The following EFCAB6 variants were observed in gnomAD, a reference collection of about 807,000 sequenced individuals.
EFCAB6 encodes EF-hand calcium-binding domain-containing protein 6.
Under a neutral mutation model 169.8 loss-of-function variants are expected in EFCAB6, and 156 were observed. That is an observed-to-expected ratio of 0.92 (90% CI 0.81 to 1.05). The LOEUF (loss-of-function observed/expected upper bound fraction) is 1.05. EFCAB6 is among the 50% of genes least tolerant of loss of function. EFCAB6 has a pLI of 0.00. For missense variants in EFCAB6, 1,800 were observed against 1,829.1 expected (o/e 0.98, Z 0.29); for synonymous variants, 698 against 676.4 (o/e 1.03, Z -0.50).
chr22:43,543,442 G>A (rs1414490777), intron 27 of EFCAB6, among the ~76,000 whole-genome samples: 2 of 152,146 alleles, frequency 1.3e-5, no homozygotes, highest in African/African-American at 2.4e-5. Flanking sequence ...CAGACCCCCC[G>A]ATAGGATGCA....
rs889361121 is a variant in EFCAB6, at chr22:43,718,876, G to A, written c.758-1904C>T. 3.9e-5 allele frequency among the ~76,000 whole-genome samples: 6 copies of A among 152,190 alleles called. No individual in the cohort carries two copies. In the South Asian group the frequency reaches 1.2e-3, roughly 31 times the overall value. On this transcript the variant is annotated intron_variant, in intron 8 of 31. Coordinates refer to ENST00000262726, the MANE Select transcript of EFCAB6 (RefSeq NM_022785.4). ...TGAGCATTTGAAACCTGGTGTCTCA[G>A]GACATTTGAGCTGCAAGGGCCCTCG...
chr22:43,573,732 C>CAAAAAAAA (rs748024357), intron 26 of EFCAB6, among the ~76,000 whole-genome samples: 1 of 85,338 alleles, frequency 1.2e-5, no homozygotes. Context: ...TCTGTCTCAA[C>CAAAAAAAA]AAAAAAAAAA....
rs543930828 is a variant in EFCAB6 at position 43,612,655 on chromosome 22, G to T, written c.2562+3171C>A. Among the ~76,000 whole-genome samples, 7 of 152,252 alleles carry T rather than the reference G, an allele frequency of 4.6e-5. No homozygotes were observed. In the South Asian group the frequency reaches 1.2e-3, roughly 27 times the overall value. On this transcript the variant is annotated intron_variant, in intron 21 of 31. Transcript: ENST00000262726. ...ACCTGTAATTCCAGCACTTTGGGAGGCCAAGGCGGGTGGATCCCCTGAGGT... is the reference window on the plus strand; with the variant it reads ...ACCTGTAATTCCAGCACTTTGGGAGTCCAAGGCGGGTGGATCCCCTGAGGT...
chr22:43,726,276 C>CAAAAAAAAAAAAAAAAAAAAAA (rs3994547), intron 8 of EFCAB6, among the ~76,000 whole-genome samples: 1 of 59,356 alleles, frequency 1.7e-5, no homozygotes, highest in Non-Finnish European at 3.0e-5. Context: ...AAAAATTCAC[C>CAAAAAAAAAAAAAAAAAAAAAA]AAAAAAAAAA....
chr22:43,722,717 T>C (rs376700329), intron 8 of EFCAB6, among the ~76,000 whole-genome samples: 1 of 152,092 alleles, frequency 6.6e-6, no homozygotes, highest in East Asian at 1.9e-4. Context: ...ATATATCTAG[T>C]GGAAAATAGA....
intron 26 of EFCAB6, among the ~76,000 whole-genome samples, chr22:43,562,021 G>C (rs1473639167): frequency 6.6e-6 from 1 of 152,146 alleles, no homozygotes; most frequent in Admixed American, 6.5e-5. Flanking sequence ...ATCTGGCAAA[G>C]ATAAGCTCCT....
chr22:43,546,538 C>T (rs1299735480), intron 27 of EFCAB6, among the ~76,000 whole-genome samples: 1 of 152,180 alleles, frequency 6.6e-6, no homozygotes, highest in African/African-American at 2.4e-5. Flanking sequence ...TTAAAATTCT[C>T]TACCCAGAAA....
chr22:43,562,956 G>C (rs1408145253), intron 26 of EFCAB6, among the ~76,000 whole-genome samples: 1 of 152,134 alleles, frequency 6.6e-6, no homozygotes, highest in African/African-American at 2.4e-5. Context: ...GTCTCTCCGG[G>C]TAGGCACAGC....
chr22:43,671,373 T>C (rs2057486324), intron 15 of EFCAB6, among the ~76,000 whole-genome samples: 1 of 152,144 alleles, frequency 6.6e-6, no homozygotes, highest in Admixed American at 6.5e-5. Context: ...GGCTTAATTT[T>C]GTATTTTTAG....
intron 8 of EFCAB6, among the ~76,000 whole-genome samples, chr22:43,727,809 A>G (rs2059792861): frequency 6.6e-6 from 1 of 152,178 alleles, no homozygotes; most frequent in Non-Finnish European, 1.5e-5. Flanking sequence ...AAAGAGGCTC[A>G]TTTGGCTTAT....
At chr22:43,636,996 G>A (rs768914172) in intron 17 of EFCAB6, among the ~76,000 whole-genome samples, 5 of 152,180 alleles carry the variant, frequency 3.3e-5, no homozygotes, top group Non-Finnish European at 7.3e-5. Flanking sequence ...AGATGAAAAT[G>A]GACAGGAAAT....
At chr22:43,598,795 A>T (rs1223496100) in intron 23 of EFCAB6, among the ~76,000 whole-genome samples, 5 of 152,140 alleles carry the variant, frequency 3.3e-5, no homozygotes, top group Non-Finnish European at 5.9e-5. Flanking sequence ...CACATTTTTT[A>T]AAAAATATAG....
intron 17 of EFCAB6, among the ~76,000 whole-genome samples, chr22:43,666,515 G>C (rs531972443): frequency 6.6e-6 from 1 of 152,270 alleles, no homozygotes; most frequent in South Asian, 2.1e-4. Flanking sequence ...CTTAAAAATA[G>C]CTGAGGATGA....
At chr22:43,780,957 T>C (rs1441507855) in intron 3 of EFCAB6, among the ~76,000 whole-genome samples, 1 of 152,222 alleles carries the variant, frequency 6.6e-6, no homozygotes, top group Non-Finnish European at 1.5e-5. Context: ...TGCAGTGCTT[T>C]GTAAGTGCGT....
chr22:43,731,385 C>T (rs957539805), intron 8 of EFCAB6, among the ~76,000 whole-genome samples: 2 of 152,164 alleles, frequency 1.3e-5, no homozygotes, highest in Non-Finnish European at 2.9e-5. Context: ...CACTTAAGGA[C>T]AACCTGAGTA....
chr22:43,582,078 T>TGG (rs2050762329), intron 24 of EFCAB6, among the ~76,000 whole-genome samples: 1 of 152,196 alleles, frequency 6.6e-6, no homozygotes, highest in Admixed American at 6.5e-5. Context: ...ATAAAAAAGT[T>TGG]GATCACCCGC....
intron 2 of EFCAB6, among the ~76,000 whole-genome samples, chr22:43,806,201 G>C (rs1446090607): frequency 6.6e-6 from 1 of 150,460 alleles, no homozygotes; most frequent in African/African-American, 2.5e-5. Context: ...GGGGAGGGGA[G>C]GGGAGGGGAA....
At chr22:43,672,821 C>T (rs972820951) in intron 13 of EFCAB6, among the ~76,000 whole-genome samples, 1 of 152,016 alleles carries the variant, frequency 6.6e-6, no homozygotes, top group Non-Finnish European at 1.5e-5. Context: ...AATAAACCCC[C>T]ATGACACAAG....
chr22:43,686,106 C>G (rs891348302), intron 11 of EFCAB6, among the ~76,000 whole-genome samples: 9 of 151,986 alleles, frequency 5.9e-5, no homozygotes, highest in African/African-American at 1.9e-4. Flanking sequence ...CTCAGCCTCC[C>G]GAGTAGCTGG....
Sources: gnomAD v4.1 joint callset for allele counts (sites outside exome capture counted in the v4.1 genomes callset) on GRCh38, gnomAD v4.1.1 for gene constraint, MANE v1.5 for transcripts, NCBI Gene and HGNC (gene_info 2026-07-23, HGNC 2026-07-21) for gene names.